Variants in NLK observed in about 807,000 individuals in gnomAD.
The protein encoded by NLK is nemo like kinase.
In NLK, 11 loss-of-function variants were observed where a neutral mutation model predicts 59.0. The observed-to-expected ratio is 0.19, with a 90% CI of 0.12 to 0.31. The LOEUF is 0.31. Among genes scored for constraint, NLK ranks in the 10% least tolerant of loss-of-function variants. The probability of loss-of-function intolerance (pLI) is 1.00; values close to 1 mark genes in which losing one functional copy is unlikely to be tolerated. For synonymous variants in NLK, 235 were observed against 235.9 expected (o/e 1.00, Z 0.03); for missense variants, 410 against 661.1 (o/e 0.62, Z 4.16).
downstream of NLK, among the ~76,000 whole-genome samples, chr17:28,198,612 A>G (rs1017048474): frequency 6.6e-6 from 1 of 152,162 alleles, no homozygotes; most frequent in Non-Finnish European, 1.5e-5. Flanking sequence ...GGCGTGAGCC[A>G]CCGTGCCTGG....
chr17:28,079,917 A>G (rs1330320441), intron 1 of NLK, among the ~76,000 whole-genome samples: 2 of 152,118 alleles, frequency 1.3e-5, no homozygotes, highest in African/African-American at 2.4e-5. Context: ...CTTTTCCCCA[A>G]TATTTTCTTC....
chr17:28,075,050 T>C (rs779810688), intron 1 of NLK, among the ~76,000 whole-genome samples: 18 of 152,256 alleles, frequency 1.2e-4, no homozygotes, highest in Non-Finnish European at 2.4e-4. Context: ...CATAAAATAA[T>C]GGCACATTTA....
intron 9 of NLK, 120 bp downstream of exon 9, chr17:28,191,339 C>A (rs1318742394): frequency 8.8e-6 from 6 of 678,382 alleles, no homozygotes; most frequent in Non-Finnish European, 1.4e-5. Flanking sequence ...TATTTTACAA[C>A]CTTGCGTATA....
In NLK at chr17:28,195,628, A is replaced by T. The variant is rs1484139720; in HGVS notation, c.*992A>T. 6.6e-6 allele frequency: 1 copy of T among 152,630 alleles called. No homozygotes were observed. Among genetic ancestry groups the T allele is most frequent in the Non-Finnish European group, 1.5e-5 (1 of 68,034 alleles). The allele number at this position is 152,630 out of a possible 1,614,324, so 9.5% of individuals were successfully genotyped here. A position where few individuals can be genotyped will look rare whatever the true frequency, so the allele number is the denominator to read the frequency against. On this transcript the variant is annotated 3_prime_UTR_variant, in exon 11 of 11. Transcript: ENST00000407008. ...CAAATGTGTTTGTGTCCTTAGGCAA[A>T]GCTGTGGGAGTCTTGAAATGTCACA...
chr17:28,069,368 G>A (rs1406421401), intron 1 of NLK, among the ~76,000 whole-genome samples: 1 of 152,070 alleles, frequency 6.6e-6, no homozygotes, highest in Non-Finnish European at 1.5e-5. Context: ...GTCTTTTTAT[G>A]GATATAAGTT....
intron 7 of NLK, among the ~76,000 whole-genome samples, chr17:28,183,846 G>GA (rs1397096259): frequency 2.0e-5 from 3 of 152,100 alleles, no homozygotes; most frequent in East Asian, 1.9e-4. Context: ...AAAGCTTGAG[G>GA]AAAAAATTCT....
At chr17:28,127,258 C>T (rs557600402) in intron 2 of NLK, among the ~76,000 whole-genome samples, 2 of 152,282 alleles carry the variant, frequency 1.3e-5, no homozygotes, top group South Asian at 4.1e-4. Flanking sequence ...CTTGTCCTAG[C>T]TCTGGAGTGC....
chr17:28,136,942 A>G (rs1215193113), intron 3 of NLK, among the ~76,000 whole-genome samples: 1 of 139,808 alleles, frequency 7.2e-6, no homozygotes, highest in African/African-American at 2.6e-5. Flanking sequence ...AATTTGTTGT[A>G]GCCAAAGCAA....
chr17:28,085,753 A>G (rs937608956), intron 1 of NLK, among the ~76,000 whole-genome samples: 1 of 150,170 alleles, frequency 6.7e-6, no homozygotes, highest in African/African-American at 2.5e-5. Flanking sequence ...GAAAAAAAAG[A>G]AAAAAGTAGA....
At chr17:28,111,888 GTGTGTGTGGTGTGTGT>G (rs1274138945) in intron 1 of NLK, among the ~76,000 whole-genome samples, 18 of 121,256 alleles carry the variant, frequency 1.5e-4, no homozygotes, top group African/African-American at 5.5e-4. Flanking sequence ...GTGTGTGTGT[GTGTGTGTGGTGTGTGT>G]GTGTGTGTGT....
At chr17:28,106,463 G>T (rs1002443253) in intron 1 of NLK, among the ~76,000 whole-genome samples, 1 of 152,074 alleles carries the variant, frequency 6.6e-6, no homozygotes, top group Non-Finnish European at 1.5e-5. Flanking sequence ...ACCAATAAAT[G>T]CAAGAGCTGT....
intron 3 of NLK, among the ~76,000 whole-genome samples, chr17:28,144,396 CAAAAA>C (rs984366292): frequency 4.9e-5 from 4 of 81,574 alleles, no homozygotes; most frequent in East Asian, 5.4e-4. Context: ...CAGGTGAAGC[CAAAAA>C]AAAAAAAAAA....
intron 1 of NLK, among the ~76,000 whole-genome samples, chr17:28,118,020 T>A (rs1313431181): frequency 1.3e-5 from 2 of 152,148 alleles, no homozygotes; most frequent in African/African-American, 2.4e-5. Flanking sequence ...ATAAATTTCT[T>A]GTGTATCCTT....
At chr17:28,073,196 A>T (rs2142758644) in intron 1 of NLK, among the ~76,000 whole-genome samples, 1 of 152,308 alleles carries the variant, frequency 6.6e-6, no homozygotes, top group African/African-American at 2.4e-5. Context: ...TCTACCAAGA[A>T]CCAAAGCCAA....
At chr17:28,108,791 A>G (rs1905319726) in intron 1 of NLK, among the ~76,000 whole-genome samples, 1 of 152,196 alleles carries the variant, frequency 6.6e-6, no homozygotes, top group Non-Finnish European at 1.5e-5. Flanking sequence ...CCAAGATACC[A>G]ATATAATATC....
chr17:28,048,338 C>T (rs1057352835), intron 1 of NLK: 3 of 175,516 alleles, frequency 1.7e-5, no homozygotes, highest in African/African-American at 7.1e-5. Flanking sequence ...TTGTTTTATT[C>T]TTGGGGAGAA....
intron 1 of NLK, among the ~76,000 whole-genome samples, chr17:28,102,166 T>C (rs191594260): frequency 2.0e-4 from 30 of 152,320 alleles, no homozygotes; most frequent in Non-Finnish European, 3.7e-4. Flanking sequence ...ATTTTGTTGT[T>C]GTTGTTTTCT....
chr17:28,165,185 T>A (rs981031435), intron 5 of NLK, among the ~76,000 whole-genome samples: 5 of 152,148 alleles, frequency 3.3e-5, no homozygotes, highest in Admixed American at 2.0e-4. Context: ...AAAAAAAAAA[T>A]TTAAACCTTA....
At chr17:28,199,665 CAAAAA>C (rs1303411168), downstream of NLK, among the ~76,000 whole-genome samples, 3 of 33,576 alleles carry the variant, frequency 8.9e-5, no homozygotes, top group Non-Finnish European at 1.6e-4. Flanking sequence ...GACTCTGTCT[CAAAAA>C]AAAAAAAAAA....
Sources: gnomAD v4.1 joint callset for allele counts (sites outside exome capture counted in the v4.1 genomes callset) on GRCh38, gnomAD v4.1.1 for gene constraint, MANE v1.5 for transcripts, NCBI Gene and HGNC (gene_info 2026-07-23, HGNC 2026-07-21) for gene names.